SYT7: variants seen among roughly 807,000 people sequenced by gnomAD.
The protein encoded by SYT7 is synaptotagmin-7.
A neutral mutation model predicts 75.1 loss-of-function variants in SYT7; 29 were observed. That is an observed-to-expected ratio of 0.39 (90% CI 0.29 to 0.53). The LOEUF (loss-of-function observed/expected upper bound fraction) is 0.53. SYT7 is among the 20% of genes least tolerant of loss of function. The pLI is 0.77. For synonymous variants in SYT7, 376 were observed against 401.7 expected (o/e 0.94, Z 0.76); for missense variants, 693 against 953.2 (o/e 0.73, Z 3.59).
At chr11:61,539,249 C>T (rs1269140352) in intron 6 of SYT7, among the ~76,000 whole-genome samples, 4 of 152,212 alleles carry the variant, frequency 2.6e-5, no homozygotes, top group South Asian at 2.1e-4. Context: ...GGCAAGAAGG[C>T]GAGACTCTCT....
chr11:61,556,274 C>A (rs1590917798), intron 1 of SYT7, 67 bp from the exon 2 acceptor site: 1 of 1,325,506 alleles, frequency 7.5e-7, no homozygotes, highest in South Asian at 1.3e-5. Context: ...CAGCCCAGAG[C>A]CCTCCAGAAC....
At chr11:61,552,076 G>A (rs1339440498) in intron 2 of SYT7, among the ~76,000 whole-genome samples, 7 of 152,084 alleles carry the variant, frequency 4.6e-5, no homozygotes, top group East Asian at 1.9e-4. Flanking sequence ...AGGCAGTTGC[G>A]GGGAGGCAGC....
intron 2 of SYT7, among the ~76,000 whole-genome samples, chr11:61,555,462 G>C (rs970207480): frequency 2.0e-5 from 3 of 152,100 alleles, no homozygotes; most frequent in South Asian, 2.1e-4. Context: ...GCTCAGCCCC[G>C]CTCCCCCTAC....
At chr11:61,586,867 T>G in the SYT7 span, among the ~76,000 whole-genome samples, 1 of 152,140 alleles carries the variant, frequency 6.6e-6, no homozygotes, top group East Asian at 1.9e-4. Flanking sequence ...TCCCCCAGCA[T>G]TTCCTGTGGC....
In SYT7 at chr11:61,514,170, C is replaced by T. The variant is rs1048108870; in HGVS notation, c.*4457G>A. 1.3e-5 allele frequency among the ~76,000 whole-genome samples: 2 copies of T among 152,340 alleles called. No homozygotes were observed. Among genetic ancestry groups the T allele is most frequent in the East Asian group, 3.9e-4 (2 of 5,186 alleles). The stretch of plus-strand genomic sequence containing the variant: ...GGCCCGAGCCAGTGGCAAGGGACTG[C>T]CCCCTGTGCTGGGCCTGAGCTGTCT... On this transcript the variant is annotated 3_prime_UTR_variant, in exon 13 of 13. Transcript: ENST00000539008.
Position 61,542,658 on chromosome 11 carries a change from A to G in SYT7, c.573-79T>C. 7.0e-7 allele frequency: 1 copy of G among 1,421,980 alleles called. No homozygotes were observed. Among genetic ancestry groups the G allele is most frequent in the Non-Finnish European group, 9.2e-7 (1 of 1,092,854 alleles). 88.1% of individuals were successfully genotyped at this position (1,421,980 alleles called of 1,614,324 possible). Reference sequence around the variant, plus strand: ...GTGGAAGAGAAAGAAGCCGAGGGCCAGGACTAGGAGGCCCCAGTGCAGGGT... The same window carrying G: ...GTGGAAGAGAAAGAAGCCGAGGGCCGGGACTAGGAGGCCCCAGTGCAGGGT... On this transcript the variant is annotated intron_variant, in intron 5 of 12. Coordinates refer to ENST00000539008, the MANE Select transcript of SYT7 (RefSeq NM_001365809.2). The surrounding 1 kb of genome is among the most constrained non-coding windows in gnomAD (Gnocchi z 7.8).
intron 8 of SYT7, among the ~76,000 whole-genome samples, chr11:61,532,355 G>A (rs2062738461): frequency 6.6e-6 from 1 of 152,164 alleles, no homozygotes; most frequent in African/African-American, 2.4e-5. Flanking sequence ...GGGCACCATG[G>A]GAACCACAAC....
Position 61,580,848 on chromosome 11 carries a change from G to A in SYT7, c.-28C>T, listed in dbSNP as rs1380123606. 1.7e-6 allele frequency: 2 copies of A among 1,209,506 alleles called. No individual in the cohort carries two copies. 74.9% of individuals were successfully genotyped at this position (1,209,506 alleles called of 1,614,324 possible). A position where few individuals can be genotyped will look rare whatever the true frequency, so the allele number is the denominator to read the frequency against. ...TCCCCTCGTCGCCGGTTCCCTCCGG[G>A]CTCCTCAGAGCCGCCCGCGGCCGCG... On this transcript the variant is annotated 5_prime_UTR_variant, in exon 1 of 13. Coordinates refer to ENST00000539008, the MANE Select transcript of SYT7 (RefSeq NM_001365809.2). The surrounding 1 kb of genome is among the most constrained non-coding windows in gnomAD (Gnocchi z 6.1).
At chr11:61,529,200 C>A (rs2062626425) in intron 8 of SYT7, among the ~76,000 whole-genome samples, 1 of 152,142 alleles carries the variant, frequency 6.6e-6, no homozygotes, top group Non-Finnish European at 1.5e-5. Flanking sequence ...AGAAGTAGGA[C>A]CCTGGGTACC....
intron 12 of SYT7, among the ~76,000 whole-genome samples, chr11:61,521,100 C>T (rs1026989248): frequency 1.3e-5 from 2 of 152,190 alleles, no homozygotes; most frequent in African/African-American, 4.8e-5. Context: ...GTGGGCCTGC[C>T]CTGCTCTGGG....
chr11:61,521,350 T>C (rs7942897), intron 12 of SYT7, among the ~76,000 whole-genome samples: 25,034 of 152,174 alleles, frequency 0.16, 4,528 homozygotes, highest in African/African-American at 0.45. Flanking sequence ...ATCTAAGGAA[T>C]ATCCGACACC....
chr11:61,518,446 G>A lies in SYT7; in HGVS notation c.*181C>T. 1 of 456,506 alleles carries A rather than the reference G, an allele frequency of 2.2e-6. No individual in the cohort carries two copies. Among genetic ancestry groups the A allele is most frequent in the Non-Finnish European group, 3.9e-6 (1 of 257,062 alleles). The allele number at this position is 456,506 out of a possible 1,614,324, so 28.3% of individuals were successfully genotyped here. On this transcript the variant is annotated 3_prime_UTR_variant, in exon 13 of 13. Coordinates refer to ENST00000539008, the MANE Select transcript of SYT7 (RefSeq NM_001365809.2). ...CCCCTTCCCCGGAGCTGGACTGTGG[G>A]GGATGGGGCTGGTACTTCCTAGAAA...
At chr11:61,527,801 C>T (rs1467387341) in intron 9 of SYT7, 114 bp downstream of exon 9, 5 of 1,285,732 alleles carry the variant, frequency 3.9e-6, no homozygotes, top group Non-Finnish European at 5.4e-6. Flanking sequence ...ATTTGTGGGC[C>T]TGCAGGTGTG....
At chr11:61,570,871 C>T (rs2063902248) in intron 1 of SYT7, among the ~76,000 whole-genome samples, 1 of 152,318 alleles carries the variant, frequency 6.6e-6, no homozygotes, top group Middle Eastern at 3.4e-3. Flanking sequence ...CCCACCTGTA[C>T]CATCAAAGGG....
chr11:61,575,086 A>G (rs2064034095), intron 1 of SYT7, among the ~76,000 whole-genome samples: 1 of 151,880 alleles, frequency 6.6e-6, no homozygotes, highest in African/African-American at 2.4e-5. Flanking sequence ...TGGGGGCTCT[A>G]GAACCAGAGG....
intron 5 of SYT7, among the ~76,000 whole-genome samples, chr11:61,544,942 G>A (rs2063142913): frequency 6.6e-6 from 1 of 152,220 alleles, no homozygotes; most frequent in African/African-American, 2.4e-5. Flanking sequence ...AGAGAATCAG[G>A]AGGACCCTCA....
chr11:61,572,951 G>A (rs2082182477), intron 1 of SYT7, among the ~76,000 whole-genome samples: 1 of 152,244 alleles, frequency 6.6e-6, no homozygotes, highest in Non-Finnish European at 1.5e-5. Flanking sequence ...CAACATGCAT[G>A]TGTGCTGCCA....
chr11:61,581,681 T>G (rs928051966), upstream of SYT7, among the ~76,000 whole-genome samples: 6 of 152,212 alleles, frequency 3.9e-5, no homozygotes, highest in Admixed American at 3.9e-4. Context: ...CTAAGATCCC[T>G]GCCCTCGGTA....
rs1232396335 is a variant in SYT7, at chr11:61,524,401, T to A, written c.1603A>T (p.Thr535Ser). ...CATGGCTTCAGATCCTTCCAGAAGG[T>A]CTGCATCTGGGTCAGGTCCACCTTG... ...LNKVDLTQMQTFWKDLKPCSD... is the reference protein window; with the variant it reads ...LNKVDLTQMQSFWKDLKPCSD... Residue 535 changes from threonine to serine, a missense_variant, in exon 10 of 13, where the codon ACC (threonine) becomes TCC (serine). Transcript: ENST00000539008. The surrounding 1 kb of genome is among the most constrained non-coding windows in gnomAD (Gnocchi z 4.1). 13 of 1,614,104 alleles carry A rather than the reference T, an allele frequency of 8.1e-6. No individual in the cohort carries two copies. The highest frequency in any genetic ancestry group is 1.1e-5 in the Non-Finnish European group (13 of 1,179,978).
Sources: allele counts gnomAD v4.1 joint callset (sites outside exome capture counted in the v4.1 genomes callset), GRCh38; gene constraint gnomAD v4.1.1; non-coding constraint Gnocchi (gnomAD v3.1); transcripts MANE v1.5; gene names NCBI Gene and HGNC (gene_info 2026-07-23, HGNC 2026-07-21).